TMEM134: variants seen among roughly 807,000 people sequenced by gnomAD.
TMEM134 encodes transmembrane protein 134.
TMEM134 carries 36 observed loss-of-function variants against 26.2 expected under a neutral mutation model. The observed-to-expected ratio is 1.37, with a 90% confidence interval of 1.05 to 1.81. The LOEUF is 1.81. Among genes scored for constraint, TMEM134 ranks in the 40% most tolerant of loss-of-function variants. TMEM134 has a pLI of 0.00. For missense variants in TMEM134, 339 were observed against 263.5 expected, an observed-to-expected ratio of 1.29 and a Z score of -1.98; for synonymous variants, 133 against 113.6, an observed-to-expected ratio of 1.17 and a Z score of -1.08.
In TMEM134 at chr11:67,462,537, T is replaced by C. The variant is rs1400176807; in HGVS notation, c.*2077A>G. 6.6e-6 allele frequency: 1 copy of C among 151,884 alleles called. No homozygotes were observed. Among genetic ancestry groups the C allele is most frequent in the Admixed American group, 6.6e-5 (1 of 15,248 alleles). The allele number at this position is 151,884 out of a possible 1,614,324, so 9.4% of individuals were successfully genotyped here. A position where few individuals can be genotyped will look rare whatever the true frequency, so the allele number is the denominator to read the frequency against. On this transcript the variant is annotated 3_prime_UTR_variant, in exon 7 of 7. Coordinates refer to ENST00000308022, the MANE Select transcript of TMEM134 (RefSeq NM_025124.4). ...CCCGGTAATTTTTTTGTATTTTTAA[T>C]AGAAATGGGATTTCACCCTGTTGGC... is the stretch of plus-strand genomic sequence containing the variant.
rs987277087 is a variant in TMEM134, at chr11:67,468,954, T to C, written c.174+65A>G. On this transcript the variant is annotated intron_variant, in intron 1 of 6. Coordinates refer to ENST00000308022, the MANE Select transcript of TMEM134 (RefSeq NM_025124.4). ...GCAGATGCTTCCCCGAGTTGAGGCC[T>C]TTGGGGCCCGGCCTGGGGTCCCGTC... The C allele has an allele frequency of 5.1e-6, 7 of 1,386,042 alleles. No individual in the cohort carries two copies. In the African/African-American group the frequency reaches 9.1e-5, roughly 18 times the overall value. The allele number at this position is 1,386,042 out of a possible 1,614,324, so 85.9% of individuals were successfully genotyped here.
chr11:67,465,673 C>G (rs1217125935), intron 4 of TMEM134, among the ~76,000 whole-genome samples: 1 of 152,088 alleles, frequency 6.6e-6, no homozygotes, highest in Admixed American at 6.6e-5. Context: ...TGCCTGTAAT[C>G]CCAGTGCTTC....
At chr11:67,468,146 T>A in intron 1 of TMEM134, 54 bp from the exon 2 acceptor site, 1 of 1,499,636 alleles carries the variant, frequency 6.7e-7, no homozygotes, top group Non-Finnish European at 9.1e-7. Flanking sequence ...CCTTCCTCAC[T>A]CCCTCCCGGG....
Position 67,464,623 on chromosome 11 carries a change from G to C in TMEM134, c.579C>G (p.Phe193Leu), listed in dbSNP as rs1283584016. ...RGFQFFYLPYFEK is the reference protein window; with the variant it reads ...RGFQFFYLPYLEK ...CCACGCTGCGCCGCGATCACTTCTC[G>C]AAGTAGGGCAGGTAGAAGAACTGGA... The change falls in exon 7 of 7, where the codon TTC becomes TTG. Residue 193 changes from phenylalanine to leucine, a missense_variant. Transcript: ENST00000308022. The C allele has an allele frequency of 5.2e-6, 8 of 1,552,290 alleles. No individual in the cohort carries two copies. Among genetic ancestry groups the C allele is most frequent in the South Asian group, 1.2e-5 (1 of 84,128 alleles).
chr11:67,465,912 AT>A (rs201335593), intron 4 of TMEM134: 20 of 151,046 alleles, frequency 1.3e-4, no homozygotes, highest in African/African-American at 4.7e-4. Flanking sequence ...CTCTATTATT[AT>A]TTTAAAAAAA....
At position 67,464,706 on chromosome 11, in the gene TMEM134, G is replaced by T; in HGVS notation, c.506-10C>A. 1 of 1,551,986 alleles carries T rather than the reference G, an allele frequency of 6.4e-7. No individual in the cohort carries two copies. The highest frequency in any genetic ancestry group is 2.4e-5 in the East Asian group (1 of 41,142). On this transcript the variant is annotated splice_polypyrimidine_tract_variant and intron_variant, in intron 6 of 6. Transcript: ENST00000308022. Reference sequence around the variant, plus strand: ...AAGATCACGTGATAGACTGCGGGGCGGGGCCTGTCAGCGCAGAAGCCCCGC... The same window carrying T: ...AAGATCACGTGATAGACTGCGGGGCTGGGCCTGTCAGCGCAGAAGCCCCGC...
At chr11:67,467,252 A>C (rs1865311609) in intron 4 of TMEM134, 60 bp downstream of exon 4, 1 of 1,533,704 alleles carries the variant, frequency 6.5e-7, no homozygotes, top group Non-Finnish European at 9.0e-7. Context: ...GAGCCTGTAC[A>C]AAAGGAGGGC....
In TMEM134 at chr11:67,464,597, T is replaced by C. The variant is rs1411664132; in HGVS notation, c.*17A>G. On this transcript the variant is annotated 3_prime_UTR_variant, in exon 7 of 7. Coordinates refer to ENST00000308022, the MANE Select transcript of TMEM134 (RefSeq NM_025124.4). ...GGGGCGCCCCCATGGGCGCAAGGGG[T>C]CCACGCTGCGCCGCGATCACTTCTC... 3.2e-6 allele frequency: 5 copies of C among 1,551,250 alleles called. No individual in the cohort carries two copies. Among genetic ancestry groups the C allele is most frequent in the South Asian group, 1.2e-5 (1 of 84,052 alleles).
In TMEM134 at chr11:67,464,856, C is replaced by T; in HGVS notation, c.452G>A (p.Gly151Asp). Residue 151 changes from glycine (G) to aspartate (D), a missense_variant and splice_region_variant, in exon 6 of 7, where the codon GGT (glycine) becomes GAT (aspartate). By Grantham distance (94) the Gly-to-Asp change is moderately conservative. Coordinates refer to ENST00000308022, the MANE Select transcript of TMEM134 (RefSeq NM_025124.4). ...GVGLEATPSP[G>D]VSSAIFFVPG... ...CACGAAGAAGATGGCGCTGGAGACACCTGCGGGAGGGACCAGAGCCCGGTC... is the reference window on the plus strand; with the variant it reads ...CACGAAGAAGATGGCGCTGGAGACATCTGCGGGAGGGACCAGAGCCCGGTC... 1 of 1,610,530 alleles carries T rather than the reference C, an allele frequency of 6.2e-7. No homozygotes were observed. The highest frequency in any genetic ancestry group is 8.5e-7 in the Non-Finnish European group (1 of 1,179,742).
rs1037838851 is a variant in TMEM134 at position 67,469,211 on chromosome 11, C to G, written c.-19G>C. On this transcript the variant is annotated 5_prime_UTR_variant, in exon 1 of 7. Coordinates refer to ENST00000308022, the MANE Select transcript of TMEM134 (RefSeq NM_025124.4). ...CGCTCATGGCCCCGGCCCGCTCAGGCGCCGTGCGCCGCCGCCATCTGCGCC... is the reference window on the plus strand; with the variant it reads ...CGCTCATGGCCCCGGCCCGCTCAGGGGCCGTGCGCCGCCGCCATCTGCGCC... The G allele has an allele frequency of 5.6e-6, 7 of 1,260,150 alleles. No homozygotes were observed. In the African/African-American group the frequency reaches 6.2e-5, roughly 11 times the overall value. The allele number at this position is 1,260,150 out of a possible 1,614,324, so 78.1% of individuals were successfully genotyped here. A position where few individuals can be genotyped will look rare whatever the true frequency, so the allele number is the denominator to read the frequency against.
chr11:67,467,040 T>C (rs1865298419), intron 4 of TMEM134: 1 of 533,398 alleles, frequency 1.9e-6, no homozygotes, highest in Non-Finnish European at 3.4e-6. Context: ...TGTCCTCTAA[T>C]GGATTTAAAC....
In TMEM134 at chr11:67,464,248, T is replaced by C. The variant is rs1411591058; in HGVS notation, c.*366A>G. ...AGCATCAGGGCTGCCACGCGTTCGG[T>C]GGTGCTCGAAGCCCTTCAGCGTCAG... is the stretch of plus-strand genomic sequence containing the variant. On this transcript the variant is annotated 3_prime_UTR_variant, in exon 7 of 7. Transcript: ENST00000308022. The C allele has an allele frequency of 1.2e-5, 4 of 347,404 alleles. No homozygotes were observed. Among genetic ancestry groups the C allele is most frequent in the Non-Finnish European group, 1.6e-5 (3 of 184,756 alleles). The allele number at this position is 347,404 out of a possible 1,614,324, so 21.5% of individuals were successfully genotyped here. A position where few individuals can be genotyped will look rare whatever the true frequency, so the allele number is the denominator to read the frequency against.
intron 6 of TMEM134, 41 bp from the exon 7 acceptor site, chr11:67,464,737 C>G: frequency 8.4e-6 from 13 of 1,549,086 alleles, no homozygotes; most frequent in Non-Finnish European, 1.1e-5. Flanking sequence ...CCCGCCCCTC[C>G]CCGCAACACC....
In TMEM134 at chr11:67,464,679, T is replaced by A; in HGVS notation, c.523A>T (p.Ile175Phe). ...CGGTGGCCCTTGACCGCGCAGTAGA[T>A]GAAGATCACGTGATAGACTGCGGGG... ...LVPGVYHVIF[I>F]YCAVKGHRGF... The change falls in exon 7 of 7, where the codon ATC (isoleucine) becomes TTC (phenylalanine). Residue 175 changes from isoleucine to phenylalanine, a missense_variant. Transcript: ENST00000308022. The A allele has an allele frequency of 4.5e-6, 7 of 1,553,724 alleles. No homozygotes were observed. The highest frequency in any genetic ancestry group is 6.1e-6 in the Non-Finnish European group (7 of 1,148,018).
rs1865032059 is a variant in TMEM134, at chr11:67,462,077, AT to A, written c.*2536del. On this transcript the variant is annotated 3_prime_UTR_variant, in exon 7 of 7. Coordinates refer to ENST00000308022, the MANE Select transcript of TMEM134 (RefSeq NM_025124.4). Reference sequence around the variant, plus strand: ...TCGCAGCTACTGAGAAGGCTGAGGCATGAGAATCGCTTAAACCGGGAGGCAG... The same window carrying A: ...TCGCAGCTACTGAGAAGGCTGAGGCAGAGAATCGCTTAAACCGGGAGGCAG... 6.6e-6 allele frequency: 1 copy of A among 150,990 alleles called. No homozygotes were observed. The highest frequency in any genetic ancestry group is 1.5e-5 in the Non-Finnish European group (1 of 67,800). The allele number at this position is 150,990 out of a possible 1,614,324, so 9.4% of individuals were successfully genotyped here.
intron 5 of TMEM134, 24 bp downstream of exon 5, chr11:67,465,032 T>G (rs776893951): frequency 1.9e-6 from 3 of 1,553,274 alleles, no homozygotes; most frequent in Middle Eastern, 4.0e-4. Flanking sequence ...GTCCTCTGCC[T>G]GTGGGGGCGG....
intron 2 of TMEM134, 98 bp from the exon 3 acceptor site, chr11:67,467,688 G>A (rs999229296): frequency 2.4e-6 from 3 of 1,255,356 alleles, no homozygotes; most frequent in African/African-American, 1.5e-5. Context: ...GCAGGGACTG[G>A]GGCTGGCCCC....
rs1865115646 is a variant in TMEM134, at chr11:67,464,583, A to G, written c.*31T>C. On this transcript the variant is annotated 3_prime_UTR_variant, in exon 7 of 7. Transcript: ENST00000308022. ...GGAACAGGGCAAGAGGGGCGCCCCC[A>G]TGGGCGCAAGGGGTCCACGCTGCGC... 1 of 1,545,108 alleles carries G rather than the reference A, an allele frequency of 6.5e-7. No homozygotes were observed. The highest frequency in any genetic ancestry group is 8.8e-7 in the Non-Finnish European group (1 of 1,141,038).
intron 4 of TMEM134, chr11:67,467,017 G>A: frequency 2.1e-6 from 1 of 477,390 alleles, no homozygotes; most frequent in Non-Finnish European, 3.8e-6. Flanking sequence ...ATAAATGGTA[G>A]CTGCTACTCT....
Sources: allele counts gnomAD v4.1 joint callset (sites outside exome capture counted in the v4.1 genomes callset), GRCh38; gene constraint gnomAD v4.1.1; transcripts MANE v1.5; gene names NCBI Gene and HGNC (gene_info 2026-07-23, HGNC 2026-07-21).